Variants in CECR2 observed in about 807,000 individuals in gnomAD.
CECR2 encodes the protein chromatin remodeling regulator CECR2.
Under a neutral mutation model 154.5 loss-of-function variants are expected in CECR2, and 30 were observed. The observed-to-expected ratio is 0.19, with a 90% CI of 0.15 to 0.26. CECR2 has a LOEUF of 0.26. Among genes scored for constraint, CECR2 ranks in the 10% least tolerant of loss-of-function variants. The pLI is 1.00. For synonymous variants in CECR2, 725 were observed against 683.7 expected, an observed-to-expected ratio of 1.06 and a Z score of -0.94; for missense variants, 1,743 against 1,829.3, an observed-to-expected ratio of 0.95 and a Z score of 0.86.
At chr22:17,367,512 A>G (rs188008403), upstream of CECR2, among the ~76,000 whole-genome samples, 3,023 of 152,018 alleles carry the variant, frequency 0.02, 49 homozygotes, top group Non-Finnish European at 0.026. Flanking sequence ...CAGTCTCCCG[A>G]GTAGCTGGGA....
intron 1 of CECR2, among the ~76,000 whole-genome samples, chr22:17,464,997 A>ATTTTT (rs71770620): frequency 7.1e-6 from 1 of 140,912 alleles, no homozygotes; most frequent in Non-Finnish European, 1.5e-5. Flanking sequence ...CAATATTTAA[A>ATTTTT]TTTTTTTTTT....
chr22:17,400,390 G>A (rs1184661263), intron 1 of CECR2, among the ~76,000 whole-genome samples: 1 of 152,170 alleles, frequency 6.6e-6, no homozygotes, highest in African/African-American at 2.4e-5. Flanking sequence ...AGGAGGTCTG[G>A]AATGGATAGC....
chr22:17,384,985 C>T (rs1006161973), intron 1 of CECR2, among the ~76,000 whole-genome samples: 3 of 152,178 alleles, frequency 2.0e-5, no homozygotes, highest in African/African-American at 4.8e-5. Flanking sequence ...GTTTACGTTA[C>T]ATTTCCTAAA....
At chr22:17,520,254 G>A (rs1405248836) in intron 8 of CECR2, among the ~76,000 whole-genome samples, 1 of 152,112 alleles carries the variant, frequency 6.6e-6, no homozygotes, top group African/African-American at 2.4e-5. Flanking sequence ...GGGGGAGAGT[G>A]GCCAGAATAC....
intron 1 of CECR2, among the ~76,000 whole-genome samples, chr22:17,444,051 A>G (rs1400908868): frequency 6.6e-6 from 1 of 152,216 alleles, no homozygotes; most frequent in Non-Finnish European, 1.5e-5. Flanking sequence ...TTGCATGTGC[A>G]GGCACACATA....
At chr22:17,465,616 C>T (rs2055018455) in intron 1 of CECR2, among the ~76,000 whole-genome samples, 1 of 152,080 alleles carries the variant, frequency 6.6e-6, no homozygotes, top group African/African-American at 2.4e-5. Context: ...TCCTGAGTAG[C>T]TGGGATTACA....
At chr22:17,386,901 T>G (rs2063269588) in intron 1 of CECR2, among the ~76,000 whole-genome samples, 1 of 152,198 alleles carries the variant, frequency 6.6e-6, no homozygotes, top group Non-Finnish European at 1.5e-5. Flanking sequence ...TCCACCCGCC[T>G]CAGCCTCCTA....
intron 17 of CECR2, among the ~76,000 whole-genome samples, chr22:17,549,846 A>G (rs77587117): frequency 0.011 from 1,436 of 125,072 alleles, 11 homozygotes; most frequent in Non-Finnish European, 0.017. Context: ...GGCTGGTCCT[A>G]GTCTCCTGAG....
intron 8 of CECR2, among the ~76,000 whole-genome samples, chr22:17,522,957 A>G (rs1400610617): frequency 6.6e-6 from 1 of 150,618 alleles, no homozygotes; most frequent in Non-Finnish European, 1.5e-5. Context: ...GTAAGCCAAA[A>G]TCGTGCCACT....
At chr22:17,496,629 G>T (rs1238953621) in intron 2 of CECR2, among the ~76,000 whole-genome samples, 3 of 152,162 alleles carry the variant, frequency 2.0e-5, no homozygotes, top group Admixed American at 6.5e-5. Context: ...TATTCTGGAG[G>T]ACTTTCTGCC....
intron 1 of CECR2, among the ~76,000 whole-genome samples, chr22:17,429,538 C>CCAAAAA (rs887270300): frequency 1.8e-5 from 1 of 55,790 alleles, no homozygotes; most frequent in Non-Finnish European, 3.2e-5. Context: ...CCCATCTCTA[C>CCAAAAA]CAAAAACAAA....
Position 17,499,443 on chromosome 22 carries a change from T to C in CECR2, c.439T>C (p.Leu147=), listed in dbSNP as rs772888002. The change falls in exon 4 of 19, where the codon TTG becomes CTG. Residue 147 remains leucine (L), a synonymous_variant. Coordinates refer to ENST00000262608, the MANE Select transcript of CECR2 (RefSeq NM_001290047.2). ...TGCAGACAGTCTCCGTGTGGAGCCA[T>C]TGGGTGAAGACAATTCTGGGGCACT... ...LDADSLRVEP[L]GEDNSGALYW... is the part of the protein sequence containing the mutation. 8 of 1,613,726 alleles carry C rather than the reference T, an allele frequency of 5.0e-6. No individual in the cohort carries two copies. In the East Asian group the frequency reaches 6.7e-5, roughly 13 times the overall value.
At chr22:17,407,570 G>A (rs138317862) in intron 1 of CECR2, among the ~76,000 whole-genome samples, 1 of 152,096 alleles carries the variant, frequency 6.6e-6, no homozygotes, top group Non-Finnish European at 1.5e-5. Context: ...ACACCAGCCT[G>A]GGCAATAGAG....
chr22:17,417,154 T>C (rs1042076930), intron 1 of CECR2, among the ~76,000 whole-genome samples: 1 of 152,162 alleles, frequency 6.6e-6, no homozygotes, highest in African/African-American at 2.4e-5. Flanking sequence ...ACTCCATGCG[T>C]TTCAGAAGTT....
chr22:17,375,538 C>T (rs2063108634), intron 1 of CECR2, among the ~76,000 whole-genome samples: 1 of 152,140 alleles, frequency 6.6e-6, no homozygotes, highest in Non-Finnish European at 1.5e-5. Context: ...TATATAATGT[C>T]AAAAGGCCCC....
intron 1 of CECR2, among the ~76,000 whole-genome samples, chr22:17,404,526 A>G (rs913282340): frequency 7.1e-6 from 1 of 140,430 alleles, no homozygotes; most frequent in Non-Finnish European, 1.5e-5. Flanking sequence ...GGCGCCCGCC[A>G]CTACGCCCGG....
intron 8 of CECR2, among the ~76,000 whole-genome samples, chr22:17,515,900 C>T (rs193134715): frequency 6.6e-6 from 1 of 152,292 alleles, no homozygotes; most frequent in Non-Finnish European, 1.5e-5. Flanking sequence ...TGGTCTCGAT[C>T]TCCTGACCTC....
At chr22:17,382,101 A>G (rs890429112) in intron 1 of CECR2, among the ~76,000 whole-genome samples, 32 of 151,432 alleles carry the variant, frequency 2.1e-4, no homozygotes, top group Middle Eastern at 3.4e-3. Context: ...CGTGTTAGCC[A>G]GGATGGTCTT....
intron 1 of CECR2, among the ~76,000 whole-genome samples, chr22:17,445,808 G>T (rs531203193): frequency 1.3e-5 from 2 of 152,102 alleles, no homozygotes; most frequent in Non-Finnish European, 2.9e-5. Flanking sequence ...GGCCAGGCTG[G>T]TCTCGAACTC....
Sources: allele counts gnomAD v4.1 joint callset (sites outside exome capture counted in the v4.1 genomes callset), GRCh38; gene constraint gnomAD v4.1.1; transcripts MANE v1.5; gene names NCBI Gene and HGNC (gene_info 2026-07-23, HGNC 2026-07-21).